The following TENM3 variants were observed in gnomAD, a reference collection of about 807,000 sequenced individuals.
TENM3 encodes the protein teneurin-3.
Under a neutral mutation model 255.1 loss-of-function variants are expected in TENM3, and 63 were observed. The ratio of observed to expected loss-of-function variants is 0.25; its 90% CI spans 0.20 to 0.30. The LOEUF (loss-of-function observed/expected upper bound fraction) is 0.30, where lower values mean the gene tolerates loss of function less well. Ranked by LOEUF, TENM3 falls within the 10% of genes least tolerant of loss-of-function variation. TENM3 has a pLI of 1.00. For missense variants in TENM3, 2,929 were observed against 3,461.1 expected, an observed-to-expected ratio of 0.85 and a Z score of 3.86; for synonymous variants, 1,306 against 1,322.3, an observed-to-expected ratio of 0.99 and a Z score of 0.27.
chr4:181,481,777 A>C, the TENM3 span, among the ~76,000 whole-genome samples: 1 of 152,162 alleles, frequency 6.6e-6, no homozygotes, highest in Admixed American at 6.6e-5. Flanking sequence ...TTCATGTGCA[A>C]AAAAGGAGAG....
chr4:182,751,643 A>T (rs1368436159), intron 19 of TENM3, among the ~76,000 whole-genome samples, 157 bp from the exon 20 acceptor site: 2 of 152,206 alleles, frequency 1.3e-5, no homozygotes, highest in South Asian at 4.1e-4. Flanking sequence ...CATTCTTTTG[A>T]GTCATTATTA....
At chr4:182,366,741 C>T (rs1204796533) in intron 3 of TENM3, among the ~76,000 whole-genome samples, 22 of 151,922 alleles carry the variant, frequency 1.4e-4, no homozygotes. Flanking sequence ...TTCAGAAATA[C>T]ACAGCCACTA....
At chr4:181,572,416 A>G in the TENM3 span, among the ~76,000 whole-genome samples, 2 of 152,208 alleles carry the variant, frequency 1.3e-5, no homozygotes, top group African/African-American at 4.8e-5. Flanking sequence ...GTCTATATTC[A>G]GTTAGAAAAA....
At position 182,519,330 on chromosome 4, in the gene TENM3, T is replaced by C. The variant is rs77760726; in HGVS notation, c.512-81594T>C. ...TATTAAAAAGTTACGATTATGTGTG[T>C]GGTTCATTTATATCTCTGTTGGAAA... On this transcript the variant is annotated intron_variant, in intron 3 of 27. Transcript: ENST00000511685. Among the ~76,000 whole-genome samples the C allele has an allele frequency of 8.3e-4, 127 of 152,370 alleles. 1 individual carries two copies. In the East Asian group the frequency reaches 0.023, roughly 28 times the overall value.
At chr4:181,917,916 C>A in the TENM3 span, among the ~76,000 whole-genome samples, 1 of 152,134 alleles carries the variant, frequency 6.6e-6, no homozygotes, top group South Asian at 2.1e-4. Flanking sequence ...CCCACTTCAG[C>A]CTCCCAAGGT....
the TENM3 span, among the ~76,000 whole-genome samples, chr4:181,754,735 G>A: frequency 4.6e-5 from 7 of 152,110 alleles, no homozygotes; most frequent in South Asian, 2.1e-4. Context: ...GCAGGCAAAC[G>A]CAACTACAGT....
the TENM3 span, among the ~76,000 whole-genome samples, chr4:181,543,554 G>A: frequency 1.3e-3 from 201 of 152,216 alleles, 1 homozygote; most frequent in African/African-American, 4.6e-3. Flanking sequence ...GTCTTGCACC[G>A]TGCTTTTCTG....
rs373000419 is a variant in TENM3, at chr4:182,731,099, G to T, written c.2927G>T (p.Arg976Ile). The change falls in exon 16 of 28, where the codon AGA (arginine) becomes ATA (isoleucine). Residue 976 changes from arginine (R) to isoleucine (I), a missense_variant. Arg to Ile is a moderately conservative substitution (Grantham distance 97, BLOSUM62 -3). Transcript: ENST00000511685. ...TCATCACCTTTATCCACCTTTTTCA[G>T]ATCTTCTCCTGAAGACAGTCCCATC... Reference protein sequence around the residue: ...IVSSPLSTFFRSSPEDSPIIP... With the variant: ...IVSSPLSTFFISSPEDSPIIP... The T allele has an allele frequency of 6.2e-6, 10 of 1,613,772 alleles. No individual in the cohort carries two copies. Among genetic ancestry groups the T allele is most frequent in the African/African-American group, 1.3e-5 (1 of 74,920 alleles).
chr4:181,685,950 T>C, the TENM3 span, among the ~76,000 whole-genome samples: 1 of 152,196 alleles, frequency 6.6e-6, no homozygotes, highest in Non-Finnish European at 1.5e-5. Context: ...TTAGTATTAC[T>C]TGTCTGTATT....
rs1436226837 is a variant in TENM3 at position 182,773,514 on chromosome 4, T to C, written c.4935T>C (p.Thr1645=). 1 of 1,613,738 alleles carries C rather than the reference T, an allele frequency of 6.2e-7. No homozygotes were observed. The highest frequency in any genetic ancestry group is 2.2e-5 in the East Asian group (1 of 44,866). The change falls in exon 23 of 28, where the codon ACT becomes ACC. Residue 1645 remains threonine (T), a synonymous_variant. Coordinates refer to ENST00000511685, the MANE Select transcript of TENM3 (RefSeq NM_001080477.4). The part of the protein sequence containing the change: ...EGRLTNVTFP[T]GVVTNLHGDM... ...GTCTGACAAATGTTACGTTTCCAAC[T>C]GGAGTGGTCACAAACCTGCATGGGG...
At chr4:182,516,167 G>A (rs1737920910) in intron 3 of TENM3, among the ~76,000 whole-genome samples, 1 of 152,204 alleles carries the variant, frequency 6.6e-6, no homozygotes, top group Admixed American at 6.5e-5. Context: ...ATGTGAGTGA[G>A]TAGAAATAGC....
At chr4:182,152,247 A>G (rs1480751052) in intron 1 of TENM3, among the ~76,000 whole-genome samples, 2 of 151,944 alleles carry the variant, frequency 1.3e-5, no homozygotes, top group Non-Finnish European at 2.9e-5. Flanking sequence ...TCAAATTTAA[A>G]TAGAACAGGC....
intron 3 of TENM3, among the ~76,000 whole-genome samples, chr4:182,452,588 T>C (rs1029263333): frequency 2.6e-5 from 4 of 152,216 alleles, no homozygotes; most frequent in African/African-American, 9.6e-5. Context: ...AATTTTTTGC[T>C]GGATCACTTT....
chr4:181,779,161 CT>C, the TENM3 span, among the ~76,000 whole-genome samples: 290 of 152,232 alleles, frequency 1.9e-3, 3 homozygotes, highest in Non-Finnish European at 5.0e-4. Context: ...ACCTTGGCAT[CT>C]GTTTTCACTG....
chr4:181,941,056 C>T, the TENM3 span, among the ~76,000 whole-genome samples: 2 of 152,192 alleles, frequency 1.3e-5, no homozygotes, highest in Admixed American at 1.3e-4. Context: ...TAACCATTCC[C>T]CGAGCTTCAG....
chr4:182,601,890 C>T (rs1199614859), intron 4 of TENM3, among the ~76,000 whole-genome samples: 4 of 152,316 alleles, frequency 2.6e-5, no homozygotes, highest in African/African-American at 9.6e-5. Flanking sequence ...ATGAGCTTCT[C>T]AGTCTTCTAG....
At chr4:182,394,544 C>G (rs1184940519) in intron 3 of TENM3, among the ~76,000 whole-genome samples, 1 of 152,072 alleles carries the variant, frequency 6.6e-6, no homozygotes, top group Non-Finnish European at 1.5e-5. Flanking sequence ...CATTTGAGAG[C>G]AGTATAATTT....
chr4:181,896,634 C>T, the TENM3 span, among the ~76,000 whole-genome samples: 1 of 152,146 alleles, frequency 6.6e-6, no homozygotes. Flanking sequence ...TGAGGATTCT[C>T]ACAAAAAACG....
the TENM3 span, among the ~76,000 whole-genome samples, chr4:181,562,855 A>G: frequency 1.8e-3 from 275 of 152,136 alleles, no homozygotes; most frequent in African/African-American, 6.2e-3. Flanking sequence ...TGGTATTTTT[A>G]GTATAGGCGG....
Sources: allele counts gnomAD v4.1 joint callset (sites outside exome capture counted in the v4.1 genomes callset), GRCh38; gene constraint gnomAD v4.1.1; transcripts MANE v1.5; gene names NCBI Gene and HGNC (gene_info 2026-07-23, HGNC 2026-07-21).